Variants in COL12A1 observed in about 807,000 individuals in gnomAD.
COL12A1 encodes collagen alpha-1(XII) chain.
In COL12A1, 114 loss-of-function variants were observed where a neutral mutation model predicts 349.7. The observed-to-expected ratio is 0.33, with a 90% CI of 0.28 to 0.38. COL12A1 has a LOEUF of 0.38. Among genes scored for constraint, COL12A1 ranks in the 10% least tolerant of loss-of-function variants. The pLI, the probability that COL12A1 is intolerant of heterozygous loss-of-function variation, is 1.00. For synonymous variants in COL12A1, 1,369 were observed against 1,329.0 expected (o/e 1.03, Z -0.66); for missense variants, 3,284 against 3,756.9 (o/e 0.87, Z 3.29).
chr6:75,198,583 T>C (rs1270508896), intron 2 of COL12A1, among the ~76,000 whole-genome samples: 1 of 152,110 alleles, frequency 6.6e-6, no homozygotes, highest in Non-Finnish European at 1.5e-5. Context: ...ATTAACTTTA[T>C]ACACTTGTTC....
chr6:75,111,218 T>TG (rs1194355524), intron 51 of COL12A1, among the ~76,000 whole-genome samples: 1 of 150,030 alleles, frequency 6.7e-6, no homozygotes, highest in African/African-American at 2.5e-5. Context: ...AAGAGCACAG[T>TG]GGGAAAAAAG....
chr6:75,087,731 G>A lies in COL12A1; in HGVS notation c.9027C>T (p.Ser3009=). 5 of 1,606,284 alleles carry A rather than the reference G, an allele frequency of 3.1e-6. No individual in the cohort carries two copies. In the South Asian group the frequency reaches 5.6e-5, roughly 18 times the overall value. Residue 3009 remains serine (S), a synonymous_variant, in exon 65 of 66, where the codon TCC becomes TCT. Transcript: ENST00000322507. ...LPGPPGPQGE[S]RTGPPGSTGS... ...CTGTGGACCCTGGTGGACCTGTTCTGGATTCTCCTTGTGGACCTAGTGTGG... is the reference window on the plus strand; with the variant it reads ...CTGTGGACCCTGGTGGACCTGTTCTAGATTCTCCTTGTGGACCTAGTGTGG...
chr6:75,190,036 T>A (rs1769847722), intron 5 of COL12A1, among the ~76,000 whole-genome samples: 1 of 151,992 alleles, frequency 6.6e-6, no homozygotes, highest in Admixed American at 6.6e-5. Flanking sequence ...GAACTAGATG[T>A]CTTTAAATTG....
intron 10 of COL12A1, among the ~76,000 whole-genome samples, chr6:75,182,275 T>C (rs1430815244): frequency 4.0e-5 from 6 of 151,782 alleles, no homozygotes; most frequent in Non-Finnish European, 8.8e-5. Context: ...TTTTGTTACA[T>C]AGGTGTACAT....
At chr6:75,092,747 TC>T (rs1767835960) in intron 60 of COL12A1, among the ~76,000 whole-genome samples, 1 of 151,172 alleles carries the variant, frequency 6.6e-6, no homozygotes, top group Admixed American at 6.6e-5. Context: ...AAAAATTAGA[TC>T]ATGTAACTCC....
At chr6:75,188,242 A>C in intron 8 of COL12A1, 120 bp downstream of exon 8, 2 of 1,053,344 alleles carry the variant, frequency 1.9e-6, no homozygotes, top group Non-Finnish European at 2.7e-6. Context: ...ACAGTGGAGT[A>C]TACAATTGTA....
intron 11 of COL12A1, 95 bp downstream of exon 11, chr6:75,180,844 C>A: frequency 7.0e-7 from 1 of 1,422,110 alleles, no homozygotes. Flanking sequence ...ATTGGCAATT[C>A]TGAACTATAA....
intron 31 of COL12A1, among the ~76,000 whole-genome samples, chr6:75,135,198 C>G (rs2149390508): frequency 6.6e-6 from 1 of 152,196 alleles, no homozygotes; most frequent in East Asian, 1.9e-4. Context: ...TACAAAGGGA[C>G]TTTAAGATAT....
chr6:75,134,018 A>G (rs756549094), intron 32 of COL12A1, 21 bp from the exon 33 acceptor site: 8 of 1,606,820 alleles, frequency 5.0e-6, no homozygotes, highest in Non-Finnish European at 6.8e-6. Context: ...CAGAAATCCC[A>G]TCACAGTATA....
chr6:75,187,157 AATAT>A (rs35075147), intron 8 of COL12A1, among the ~76,000 whole-genome samples: 114 of 143,314 alleles, frequency 8.0e-4, no homozygotes, highest in South Asian at 1.1e-3. Context: ...AAAATAAATA[AATAT>A]ATATATATAT....
intron 56 of COL12A1, 135 bp downstream of exon 56, chr6:75,102,462 A>C: frequency 2.2e-5 from 12 of 554,268 alleles, no homozygotes; most frequent in Non-Finnish European, 3.3e-5. Context: ...CAGTCATCAT[A>C]GAGGCTGCTA....
Position 75,186,375 on chromosome 6 carries a change from C to T in COL12A1, c.997+1987G>A, listed in dbSNP as rs148924069. Among the ~76,000 whole-genome samples, 394 of 152,268 alleles carry T rather than the reference C, an allele frequency of 2.6e-3. 4 individuals carry two copies. Among genetic ancestry groups the T allele is most frequent in the African/African-American group, 8.9e-3 (371 of 41,572 alleles). On this transcript the variant is annotated intron_variant, in intron 8 of 65. Coordinates refer to ENST00000322507, the MANE Select transcript of COL12A1 (RefSeq NM_004370.6). ...AACAATCATACAAAAAAAAGTTCAA[C>T]ATTACTGATTATTAGAGAAACACAA...
chr6:75,183,435 A>G lies in COL12A1; in HGVS notation c.1506T>C (p.Asp502=), dbSNP rs550096603. 10 of 1,614,206 alleles carry G rather than the reference A, an allele frequency of 6.2e-6. No individual in the cohort carries two copies. Among genetic ancestry groups the G allele is most frequent in the South Asian group, 2.2e-5 (2 of 91,082 alleles). ...GGAAGGTGTTTATTGCTTCAATTAT[A>G]TCTTCAACTTTGGTGAATTTTTTCA... ...FTLKKFTKVE[D]IIEAINTFPY... Residue 502 remains aspartate, a synonymous_variant, in exon 10 of 66, where the codon GAT becomes GAC. Coordinates refer to ENST00000322507, the MANE Select transcript of COL12A1 (RefSeq NM_004370.6).
chr6:75,203,554 A>G (rs540665083), intron 1 of COL12A1, among the ~76,000 whole-genome samples: 23 of 152,348 alleles, frequency 1.5e-4, no homozygotes, highest in African/African-American at 5.3e-4. Context: ...ATCAATAATA[A>G]TCTTTGTATT....
At position 75,130,706 on chromosome 6, in the gene COL12A1, A is replaced by G. The variant is rs1023191039; in HGVS notation, c.6067+146T>C. On this transcript the variant is annotated intron_variant, in intron 36 of 65. Transcript: ENST00000322507. ...CACACAAACAACAGTCACAGACCCA[A>G]TGTTTTCGCCTGGAATGTAAATGTA... 17 of 1,019,808 alleles carry G rather than the reference A, an allele frequency of 1.7e-5. No homozygotes were observed. In the Admixed American group the frequency reaches 3.8e-4, roughly 23 times the overall value. 63.2% of individuals were successfully genotyped at this position (1,019,808 alleles called of 1,614,324 possible).
intron 12 of COL12A1, 65 bp from the exon 13 acceptor site, chr6:75,175,375 T>C: frequency 1.3e-6 from 2 of 1,550,526 alleles, no homozygotes; most frequent in Non-Finnish European, 1.7e-6. Flanking sequence ...AAAAACACTT[T>C]GTTACTTTAC....
chr6:75,138,639 C>T (rs1766745430), intron 28 of COL12A1, 59 bp from the exon 29 acceptor site: 1 of 1,600,078 alleles, frequency 6.2e-7, no homozygotes, highest in Admixed American at 1.7e-5. Flanking sequence ...TTACATCATA[C>T]ACACTCAATG....
chr6:75,168,178 GT>G (rs1768408515), intron 13 of COL12A1, among the ~76,000 whole-genome samples: 1 of 152,178 alleles, frequency 6.6e-6, no homozygotes, highest in African/African-American at 2.4e-5. Context: ...CAATCAGTCA[GT>G]TTGATAAGAA....
At chr6:75,089,045 G>C (rs539525687) in intron 64 of COL12A1, 61 bp downstream of exon 64, 1 of 1,182,526 alleles carries the variant, frequency 8.5e-7, no homozygotes, top group African/African-American at 1.6e-5. Context: ...GAATCTCTTC[G>C]GGATGGTGTG....
Sources: gnomAD v4.1 joint callset for allele counts (sites outside exome capture counted in the v4.1 genomes callset) on GRCh38, gnomAD v4.1.1 for gene constraint, MANE v1.5 for transcripts, NCBI Gene and HGNC (gene_info 2026-07-23, HGNC 2026-07-21) for gene names.